The following TAF5L variants were observed in gnomAD, a reference collection of about 807,000 sequenced individuals.
TAF5L encodes the protein TAF5-like RNA polymerase II p300/CBP-associated factor-associated factor 65 kDa subunit 5L.
Under a neutral mutation model 51.3 loss-of-function variants are expected in TAF5L, and 7 were observed. That is an observed-to-expected ratio of 0.14 (90% CI 0.08 to 0.26). TAF5L has a LOEUF of 0.26. Ranked by LOEUF, TAF5L falls within the 10% of genes least tolerant of loss-of-function variation. The pLI, the probability that TAF5L is intolerant of heterozygous loss-of-function variation, is 1.00. For missense variants in TAF5L, 575 were observed against 758.9 expected, an observed-to-expected ratio of 0.76 and a Z score of 2.85; for synonymous variants, 291 against 308.1, an observed-to-expected ratio of 0.94 and a Z score of 0.58.
At position 229,621,968 on chromosome 1, in the gene TAF5L, C is replaced by G. The variant is rs184168859; in HGVS notation, c.-4+3917G>C. On this transcript the variant is annotated intron_variant, in intron 1 of 4. Transcript: ENST00000258281. The stretch of plus-strand genomic sequence containing the variant: ...TATACTCCTGCTGGAAATCTCAACC[C>G]AAGCCATCAATGCCTGTTCGGGTGA... 9.8e-4 allele frequency among the ~76,000 whole-genome samples: 149 copies of G among 152,154 alleles called. 2 individuals are homozygous for G. The highest frequency in any genetic ancestry group is 3.5e-3 in the African/African-American group (147 of 41,502).
intron 1 of TAF5L, among the ~76,000 whole-genome samples, chr1:229,618,739 A>C (rs1665096077): frequency 3.3e-5 from 5 of 152,110 alleles, no homozygotes; most frequent in Admixed American, 1.3e-4. Context: ...TACACGCTGC[A>C]TCCTATCCCT....
rs775376892 is a variant in TAF5L, at chr1:229,594,468, C to T, written c.1599G>A (p.Ser533=). 5.0e-6 allele frequency: 8 copies of T among 1,613,942 alleles called. No individual in the cohort carries two copies. Among genetic ancestry groups the T allele is most frequent in the East Asian group, 4.5e-5 (2 of 44,872 alleles). ...TGTTCCTGATGTCCCAGACGCGCAC[C>T]GAGTTGTCCATGGAGGCAGAGGCAA... Residue 533 remains serine, a synonymous_variant, in exon 5 of 5, where the codon TCG becomes TCA. Transcript: ENST00000258281. The surrounding 1 kb of genome is among the most constrained non-coding windows in gnomAD (Gnocchi z 7.9).
intron 1 of TAF5L, among the ~76,000 whole-genome samples, chr1:229,620,341 A>C (rs919057410): frequency 6.6e-6 from 1 of 152,156 alleles, no homozygotes; most frequent in Non-Finnish European, 1.5e-5. Flanking sequence ...TTACAGGTGT[A>C]TGCCACTATG....
At chr1:229,597,410 C>A (rs951585025) in intron 4 of TAF5L, among the ~76,000 whole-genome samples, 3 of 152,198 alleles carry the variant, frequency 2.0e-5, no homozygotes, top group Non-Finnish European at 4.4e-5. Flanking sequence ...CTGGTGGAAA[C>A]GTGTCCAGCT....
exon 3 of TAF5L, chr1:229,610,174 G>A: frequency 1.2e-6 from 2 of 1,614,180 alleles, no homozygotes; most frequent in South Asian, 2.2e-5. Flanking sequence ...GCAAGGGGCT[G>A]CAGACACTAT....
At chr1:229,600,766 C>G in intron 4 of TAF5L, 1 of 985,436 alleles carries the variant, frequency 1.0e-6, no homozygotes, top group African/African-American at 1.7e-5. Flanking sequence ...AGCCACAGAG[C>G]TAGTTACCAG....
Position 229,602,189 on chromosome 1 carries a change from T to C in TAF5L, c.972+6A>G, listed in dbSNP as rs918079707. The C allele has an allele frequency of 1.9e-6, 3 of 1,609,674 alleles. No homozygotes were observed. The African/African-American group carries it at 4.0e-5, about 22-fold the overall frequency. ...GGTGCAGGGAAGAAAAAAATGGTAT[T>C]CATACCTCCTCCTCCAGAATATCAC... On this transcript the variant is annotated splice_donor_region_variant and intron_variant, in intron 4 of 4. Coordinates refer to ENST00000258281, the Ensembl canonical transcript of TAF5L. This position sits in a 1 kb window ranked among gnomAD's most constrained non-coding sequence, Gnocchi z 4.6.
intron 4 of TAF5L, chr1:229,600,409 A>G (rs980666752): frequency 1.0e-6 from 1 of 985,214 alleles, no homozygotes; most frequent in Admixed American, 6.2e-5. Flanking sequence ...TGCTTAAACA[A>G]AACCACCATT....
rs535745414 is a variant in TAF5L, at chr1:229,620,840, T to C, written c.-4+5045A>G. 1.0e-3 allele frequency among the ~76,000 whole-genome samples: 154 copies of C among 152,270 alleles called. 1 individual carries two copies. The highest frequency in any genetic ancestry group is 1.5e-3 in the Non-Finnish European group (103 of 68,018). ...TTGCAAACACCACTGCAGACAGAAATAGGATGTCCTGTTCTCAAAATAAGG... is the reference window on the plus strand; with the variant it reads ...TTGCAAACACCACTGCAGACAGAAACAGGATGTCCTGTTCTCAAAATAAGG... On this transcript the variant is annotated intron_variant, in intron 1 of 4. Transcript: ENST00000258281.
At chr1:229,626,024 C>T (rs896556280) in exon 1 of TAF5L, 4 of 151,036 alleles carry the variant, frequency 2.6e-5, no homozygotes, top group African/African-American at 9.7e-5. Flanking sequence ...CCCCGCCGCC[C>T]CCGCCGCCGC....
At chr1:229,623,887 T>C (rs1665319394) in intron 1 of TAF5L, among the ~76,000 whole-genome samples, 1 of 152,180 alleles carries the variant, frequency 6.6e-6, no homozygotes. Context: ...GCTCAAAGGA[T>C]TCTACATGTG....
chr1:229,598,522 C>T (rs4925499), intron 4 of TAF5L, among the ~76,000 whole-genome samples: 81,023 of 151,764 alleles, frequency 0.53, 21,874 homozygotes, highest in East Asian at 0.77. Flanking sequence ...AGCTGTTTTA[C>T]TGCTGAGTTA....
chr1:229,594,921 T>G lies in TAF5L; in HGVS notation c.1146A>C (p.Gly382=). The G allele has an allele frequency of 6.2e-7, 1 of 1,614,186 alleles. No homozygotes were observed. The highest frequency in any genetic ancestry group is 8.5e-7 in the Non-Finnish European group (1 of 1,180,036). ...CCAGATCCCACACAGGATAGGCATG[T>G]CCTTGGTACAACACAGTGTTGGTGA... Residue 382 remains glycine, a synonymous_variant, in exon 5 of 5, where the codon GGA becomes GGC. Coordinates refer to ENST00000258281, the Ensembl canonical transcript of TAF5L. This position sits in a 1 kb window ranked among gnomAD's most constrained non-coding sequence, Gnocchi z 7.9.
intron 4 of TAF5L, among the ~76,000 whole-genome samples, chr1:229,598,188 G>A (rs147050294): frequency 4.9e-4 from 75 of 152,198 alleles, no homozygotes; most frequent in Middle Eastern, 3.4e-3. Flanking sequence ...CTAAAACTTA[G>A]GACCAAAAGA....
chr1:229,595,040 C>T (rs1664067202), exon 5 of TAF5L: 4 of 1,613,362 alleles, frequency 2.5e-6, no homozygotes, highest in Non-Finnish European at 1.7e-6. Flanking sequence ...TACACTGGTC[C>T]GCAGTGGCCC....
At chr1:229,610,206 T>C in exon 3 of TAF5L, 6 of 1,614,074 alleles carry the variant, frequency 3.7e-6, no homozygotes, top group East Asian at 2.2e-5. Context: ...CAGATTCTGA[T>C]TGCACTAAAG....
In TAF5L at chr1:229,610,307, C is replaced by T. The variant is rs1664741821; in HGVS notation, c.143-97G>A. 3 of 1,080,674 alleles carry T rather than the reference C, an allele frequency of 2.8e-6. No individual in the cohort carries two copies. The Admixed American group carries it at 6.1e-5, about 22-fold the overall frequency. The allele number at this position is 1,080,674 out of a possible 1,614,324, so 66.9% of individuals were successfully genotyped here. Reference sequence around the variant, plus strand: ...TGGGTGAAGGAGGGTGTTGTGCACACACGCACAGCAACTGACATTTCAGCA... The same window carrying T: ...TGGGTGAAGGAGGGTGTTGTGCACATACGCACAGCAACTGACATTTCAGCA... On this transcript the variant is annotated intron_variant, in intron 2 of 4. Coordinates refer to ENST00000258281, the Ensembl canonical transcript of TAF5L.
chr1:229,611,021 G>C (rs1012861850), intron 2 of TAF5L, among the ~76,000 whole-genome samples: 1 of 151,974 alleles, frequency 6.6e-6, no homozygotes, highest in African/African-American at 2.4e-5. Context: ...GCTGTCTTAC[G>C]GTGAGGCACT....
chr1:229,598,710 T>C (rs1168719220), intron 4 of TAF5L, among the ~76,000 whole-genome samples: 3 of 151,852 alleles, frequency 2.0e-5, no homozygotes, highest in Admixed American at 1.3e-4. Flanking sequence ...TTTTTTTCTT[T>C]TTTTTTGAGA....
Sources: gnomAD v4.1 joint callset for allele counts (sites outside exome capture counted in the v4.1 genomes callset) on GRCh38, gnomAD v4.1.1 for gene constraint, Gnocchi (gnomAD v3.1) non-coding constraint, MANE v1.5 for transcripts, NCBI Gene and HGNC (gene_info 2026-07-23, HGNC 2026-07-21) for gene names.